PRPF39: variants seen among roughly 807,000 people sequenced by gnomAD.
PRPF39 encodes pre-mRNA-processing factor 39.
Under a neutral mutation model 82.1 loss-of-function variants are expected in PRPF39, and 27 were observed. That is an observed-to-expected ratio of 0.33 (90% confidence interval 0.24 to 0.45). PRPF39 has a LOEUF of 0.45. Ranked by LOEUF, PRPF39 falls within the 20% of genes least tolerant of loss-of-function variation. The pLI, the probability that PRPF39 is intolerant of heterozygous loss-of-function variation, is 1.00. For synonymous variants in PRPF39, 261 were observed against 256.4 expected, an observed-to-expected ratio of 1.02 and a Z score of -0.17; for missense variants, 581 against 796.9, an observed-to-expected ratio of 0.73 and a Z score of 3.26.
intron 4 of PRPF39, among the ~76,000 whole-genome samples, chr14:45,100,862 A>T (rs978995189): frequency 6.6e-6 from 1 of 152,000 alleles, no homozygotes; most frequent in African/African-American, 2.4e-5. Flanking sequence ...TTTTGTGCCT[A>T]TTTTACCAAA....
chr14:45,092,600 CAAAAAAA>C lies in PRPF39; in HGVS notation c.-19-2603_-19-2597del, dbSNP rs775755309. 1.4e-4 allele frequency among the ~76,000 whole-genome samples: 7 copies of C among 51,486 alleles called. No individual in the cohort carries two copies. In the Admixed American group the frequency reaches 1.4e-3, roughly 10 times the overall value. The allele number at this position is 51,486 out of a possible 152,430, so 33.8% of individuals were successfully genotyped here. On this transcript the variant is annotated intron_variant, in intron 1 of 13. Coordinates refer to ENST00000355765, the MANE Select transcript of PRPF39 (RefSeq NM_017922.4). Reference sequence around the variant, plus strand: ...TGGGTGACAGATCGAGACTCTGTCTCAAAAAAAAAAAAAAAAAAAAAAAAGTCGTCAG... The same window carrying C: ...TGGGTGACAGATCGAGACTCTGTCTCAAAAAAAAAAAAAAAAAGTCGTCAG...
At chr14:45,109,524 T>A in intron 7 of PRPF39, 92 bp from the exon 8 acceptor site, 1 of 1,007,586 alleles carries the variant, frequency 9.9e-7, no homozygotes, top group Non-Finnish European at 1.3e-6. Flanking sequence ...TAATCATCAA[T>A]TATATTTAAA....
intron 1 of PRPF39, among the ~76,000 whole-genome samples, chr14:45,087,659 C>G (rs1484862458): frequency 1.3e-5 from 2 of 151,740 alleles, no homozygotes; most frequent in African/African-American, 4.8e-5. Flanking sequence ...CTGCAACCTC[C>G]GCCTCCTGGG....
intron 5 of PRPF39, among the ~76,000 whole-genome samples, chr14:45,106,315 C>T (rs1884531545): frequency 6.6e-6 from 1 of 152,096 alleles, no homozygotes; most frequent in African/African-American, 2.4e-5. Flanking sequence ...AACGATTGCA[C>T]TCTAGCCTGG....
At chr14:45,102,269 G>T (rs1477626903) in intron 4 of PRPF39, among the ~76,000 whole-genome samples, 1 of 152,012 alleles carries the variant, frequency 6.6e-6, no homozygotes, top group Non-Finnish European at 1.5e-5. Flanking sequence ...TTACCTATTT[G>T]CAATGTGTAC....
chr14:45,092,499 G>A (rs1356497049), intron 1 of PRPF39, among the ~76,000 whole-genome samples: 1 of 151,668 alleles, frequency 6.6e-6, no homozygotes, highest in Non-Finnish European at 1.5e-5. Flanking sequence ...TACTCAGGAG[G>A]CTGAGGCAGG....
rs2139067487 is a variant in PRPF39 at position 45,112,028 on chromosome 14, G to A, written c.1573-290G>A. On this transcript the variant is annotated intron_variant, in intron 10 of 13. Coordinates refer to ENST00000355765, the MANE Select transcript of PRPF39 (RefSeq NM_017922.4). The stretch of plus-strand genomic sequence containing the variant: ...TTTTGTTTTCTAATTGTCATGGTAG[G>A]TCATGTCATACTAAATACAAGATAG... 2.0e-5 allele frequency among the ~76,000 whole-genome samples: 3 copies of A among 152,112 alleles called. No homozygotes were observed. The Middle Eastern group carries it at 0.01, about 517-fold the overall frequency.
chr14:45,096,517 T>C, intron 3 of PRPF39: 2 of 1,435,696 alleles, frequency 1.4e-6, no homozygotes, highest in East Asian at 3.4e-5. Flanking sequence ...TTCTCTCACT[T>C]ACATTTATTT....
Position 45,109,687 on chromosome 14 carries a change from AT to A in PRPF39, c.1086del (p.Phe362LeufsTer44). 6.2e-7 allele frequency: 1 copy of A among 1,608,794 alleles called. No homozygotes were observed. Among genetic ancestry groups the A allele is most frequent in the Non-Finnish European group, 8.5e-7 (1 of 1,177,124 alleles). The part of the protein sequence containing the change: ...QLKNWKEYLE[F>X]EIENGTHERV... ...TAAAAAACTGGAAAGAATACTTAGA[AT>A]TTGAAATTGAAAATGGGACTCATGA... is the stretch of plus-strand genomic sequence containing the variant. On this transcript the variant is annotated frameshift_variant, in exon 8 of 14. Coordinates refer to ENST00000355765, the MANE Select transcript of PRPF39 (RefSeq NM_017922.4). LOFTEE classifies it high-confidence loss of function.
At chr14:45,114,823 C>G (rs1453194589) in intron 13 of PRPF39, 34 bp from the exon 14 acceptor site, 2 of 1,536,006 alleles carry the variant, frequency 1.3e-6, no homozygotes, top group South Asian at 2.3e-5. Context: ...TGCCACAGTT[C>G]TAATATGCTA....
chr14:45,113,328 A>C (rs1265630334), intron 11 of PRPF39, among the ~76,000 whole-genome samples: 1 of 152,258 alleles, frequency 6.6e-6, no homozygotes, highest in Non-Finnish European at 1.5e-5. Context: ...ATGATGCCAA[A>C]TGTTTTATAT....
intron 3 of PRPF39, 40 bp from the exon 4 acceptor site, chr14:45,096,847 A>G: frequency 6.5e-7 from 1 of 1,534,872 alleles, no homozygotes; most frequent in Non-Finnish European, 8.8e-7. Context: ...GTTAAGAAAT[A>G]ATTAAATATT....
Position 45,115,024 on chromosome 14 carries a change from T to C in PRPF39, c.*111T>C, listed in dbSNP as rs1884797858. On this transcript the variant is annotated 3_prime_UTR_variant, in exon 14 of 14. Coordinates refer to ENST00000355765, the MANE Select transcript of PRPF39 (RefSeq NM_017922.4). ...TGTTGTATTTGATAACCTGTCTTCC[T>C]TGTTTCTGTGTAACATGATTTGTTT... 1 of 802,310 alleles carries C rather than the reference T, an allele frequency of 1.2e-6. No homozygotes were observed. Among genetic ancestry groups the C allele is most frequent in the Non-Finnish European group, 1.9e-6 (1 of 513,476 alleles). 49.7% of individuals were successfully genotyped at this position (802,310 alleles called of 1,614,324 possible).
intron 2 of PRPF39, 33 bp downstream of exon 2, chr14:45,095,596 CA>C: frequency 6.6e-7 from 1 of 1,505,236 alleles, no homozygotes. Flanking sequence ...TCAGAAGGGA[CA>C]AATTAATCAA....
At chr14:45,113,428 A>AT (rs1221962157) in intron 11 of PRPF39, among the ~76,000 whole-genome samples, 2 of 152,142 alleles carry the variant, frequency 1.3e-5, no homozygotes, top group Non-Finnish European at 2.9e-5. Context: ...GAGATTAGGC[A>AT]TTTTTTCTGA....
intron 13 of PRPF39, 95 bp from the exon 14 acceptor site, chr14:45,114,762 C>T: frequency 7.2e-7 from 1 of 1,389,210 alleles, no homozygotes; most frequent in Non-Finnish European, 1.0e-6. Flanking sequence ...TGAACACTTG[C>T]TTGTTTTCTT....
intron 11 of PRPF39, 145 bp downstream of exon 11, chr14:45,112,647 GT>G: frequency 1.2e-6 from 1 of 814,218 alleles, no homozygotes; most frequent in African/African-American, 1.8e-5. Flanking sequence ...ATATATGGGG[GT>G]AAATTCAATT....
chr14:45,113,637 T>C (rs1884757220), intron 11 of PRPF39, among the ~76,000 whole-genome samples: 1 of 152,184 alleles, frequency 6.6e-6, no homozygotes, highest in Non-Finnish European at 1.5e-5. Context: ...AGGTAGCAAA[T>C]AACTGCTAGG....
intron 11 of PRPF39, 25 bp downstream of exon 11, chr14:45,112,527 T>C (rs1566699827): frequency 7.0e-7 from 1 of 1,434,258 alleles, no homozygotes; most frequent in Non-Finnish European, 9.1e-7. Context: ...ATATTACCTA[T>C]TTGAATGATA....
Sources: gnomAD v4.1 joint callset for allele counts (sites outside exome capture counted in the v4.1 genomes callset) on GRCh38, gnomAD v4.1.1 for gene constraint, MANE v1.5 for transcripts, NCBI Gene and HGNC (gene_info 2026-07-23, HGNC 2026-07-21) for gene names.